Variants in CYP4X1 observed in about 807,000 individuals in gnomAD.
CYP4X1 encodes the protein cytochrome P450 family 4 subfamily X member 1, also known as cytochrome P450 4X1.
CYP4X1 carries 44 observed loss-of-function variants against 57.9 expected under a neutral mutation model. The ratio of observed to expected loss-of-function variants is 0.76; its 90% confidence interval spans 0.60 to 0.98. CYP4X1 has a LOEUF of 0.98. CYP4X1 is among the 50% of genes least tolerant of loss of function. The probability of loss-of-function intolerance (pLI) is 0.00; values close to 1 mark genes in which losing one functional copy is unlikely to be tolerated. For missense variants in CYP4X1, 532 were observed against 623.9 expected (o/e 0.85, Z 1.57); for synonymous variants, 227 against 228.6 (o/e 0.99, Z 0.06).
chr1:47,024,558 C>T (rs558369430), intron 1 of CYP4X1, among the ~76,000 whole-genome samples: 2 of 152,156 alleles, frequency 1.3e-5, no homozygotes, highest in African/African-American at 4.8e-5. Context: ...CACTCCCACC[C>T]CTAATTAAGG....
At chr1:46,969,732 G>A in the CYP4X1 span, among the ~76,000 whole-genome samples, 1 of 152,138 alleles carries the variant, frequency 6.6e-6, no homozygotes, top group Non-Finnish European at 1.5e-5. Context: ...CATACGAGGA[G>A]CATTTAAAGG....
chr1:47,022,285 T>A (rs1644006500), upstream of CYP4X1, among the ~76,000 whole-genome samples: 2 of 56,514 alleles, frequency 3.5e-5, no homozygotes, highest in African/African-American at 1.5e-4. Context: ...GGGCCTGTCT[T>A]TTTTTTTTTT....
At chr1:47,043,539 G>T (rs1205552221) in intron 8 of CYP4X1, among the ~76,000 whole-genome samples, 1 of 151,818 alleles carries the variant, frequency 6.6e-6, no homozygotes, top group Non-Finnish European at 1.5e-5. Context: ...ATCTGCTTTT[G>T]GGTTCTTGGT....
At chr1:47,033,461 A>G in intron 4 of CYP4X1, 93 bp downstream of exon 4, 1 of 1,500,238 alleles carries the variant, frequency 6.7e-7, no homozygotes, top group Non-Finnish European at 8.9e-7. Context: ...GAAAATAAAA[A>G]ATCAGTTTCT....
At chr1:47,018,209 T>C in the CYP4X1 span, among the ~76,000 whole-genome samples, 1,420 of 152,156 alleles carry the variant, frequency 9.3e-3, 11 homozygotes, top group South Asian at 0.051. Flanking sequence ...CTGTAACTGG[T>C]TACAGGGAGA....
intron 2 of CYP4X1, 145 bp downstream of exon 2, chr1:47,030,276 A>G: frequency 1.0e-6 from 1 of 1,003,766 alleles, no homozygotes; most frequent in Non-Finnish European, 1.4e-6. Flanking sequence ...GTTTCCTACC[A>G]ATACTGAAGG....
chr1:46,980,491 T>C, the CYP4X1 span, among the ~76,000 whole-genome samples: 2 of 152,162 alleles, frequency 1.3e-5, no homozygotes, highest in Non-Finnish European at 2.9e-5. Context: ...CACAAACAAA[T>C]GGAAGAGCAT....
chr1:47,052,116 T>TTTGTCAGG (rs1644363413), downstream of CYP4X1, among the ~76,000 whole-genome samples: 1 of 152,156 alleles, frequency 6.6e-6, no homozygotes, highest in African/African-American at 2.4e-5. Context: ...CAATAATTTA[T>TTTGTCAGG]TTGTCAGGTT....
chr1:47,024,541 T>G (rs1489385699), intron 1 of CYP4X1, among the ~76,000 whole-genome samples: 3 of 152,152 alleles, frequency 2.0e-5, no homozygotes, highest in Non-Finnish European at 4.4e-5. Flanking sequence ...CTCCCGTTTT[T>G]TAAATCCACT....
intron 11 of CYP4X1, among the ~76,000 whole-genome samples, chr1:47,049,771 C>A (rs1449715873): frequency 1.3e-5 from 2 of 152,182 alleles, no homozygotes; most frequent in Non-Finnish European, 2.9e-5. Context: ...GAAATAATTT[C>A]ATGAGTAACT....
intron 3 of CYP4X1, among the ~76,000 whole-genome samples, chr1:47,032,242 T>C (rs1164020802): frequency 6.6e-6 from 1 of 152,200 alleles, no homozygotes; most frequent in Non-Finnish European, 1.5e-5. Flanking sequence ...TTTAATTACA[T>C]AATTGGTATT....
chr1:47,000,334 A>G, the CYP4X1 span, among the ~76,000 whole-genome samples: 3 of 151,898 alleles, frequency 2.0e-5, no homozygotes, highest in Non-Finnish European at 4.4e-5. Context: ...GTTATAAACA[A>G]CTCAGTGTCA....
chr1:47,038,621 G>A, intron 6 of CYP4X1, 39 bp from the exon 7 acceptor site: 1 of 1,497,790 alleles, frequency 6.7e-7, no homozygotes, highest in Non-Finnish European at 9.1e-7. Context: ...ATTTGACTTT[G>A]CCATCACTTT....
the CYP4X1 span, among the ~76,000 whole-genome samples, chr1:46,995,496 G>A: frequency 3.9e-5 from 6 of 152,016 alleles, no homozygotes; most frequent in South Asian, 1.3e-3. Flanking sequence ...CAAGGGATGG[G>A]ACATTTTATC....
upstream of CYP4X1, among the ~76,000 whole-genome samples, chr1:47,020,312 G>A (rs532846078): frequency 1.3e-5 from 2 of 152,242 alleles, no homozygotes; most frequent in African/African-American, 4.8e-5. Context: ...TTTGTTCAAG[G>A]CCACATCTCC....
intron 8 of CYP4X1, among the ~76,000 whole-genome samples, chr1:47,041,825 T>A (rs1373684968): frequency 6.6e-6 from 1 of 152,128 alleles, no homozygotes; most frequent in Non-Finnish European, 1.5e-5. Flanking sequence ...TGACTATACT[T>A]CCAGAGTTGT....
the CYP4X1 span, among the ~76,000 whole-genome samples, chr1:46,983,395 G>A: frequency 6.6e-6 from 1 of 152,248 alleles, no homozygotes; most frequent in Non-Finnish European, 1.5e-5. Flanking sequence ...ATTGTGCCAT[G>A]TTAGAGTTGC....
At chr1:46,968,317 G>T in the CYP4X1 span, among the ~76,000 whole-genome samples, 3 of 151,996 alleles carry the variant, frequency 2.0e-5, no homozygotes, top group African/African-American at 7.3e-5. Context: ...ACTCTCTGGC[G>T]TCCCTGCTTC....
intron 1 of CYP4X1, among the ~76,000 whole-genome samples, chr1:47,026,063 A>AGG (rs1185329456): frequency 3.3e-5 from 5 of 152,218 alleles, no homozygotes; most frequent in Non-Finnish European, 7.3e-5. Flanking sequence ...CACAGAGAGT[A>AGG]GAAGGATGGT....
Sources: allele counts gnomAD v4.1 joint callset (sites outside exome capture counted in the v4.1 genomes callset), GRCh38; gene constraint gnomAD v4.1.1; transcripts MANE v1.5; gene names NCBI Gene and HGNC (gene_info 2026-07-23, HGNC 2026-07-21).